The following SUMF1 variants were observed in gnomAD, a reference collection of about 807,000 sequenced individuals.
SUMF1 encodes the protein sulfatase modifying factor 1.
Under a neutral mutation model 47.6 loss-of-function variants are expected in SUMF1, and 48 were observed. The observed-to-expected ratio is 1.01, with a 90% CI of 0.80 to 1.28. The LOEUF is 1.28. Among genes scored for constraint, SUMF1 ranks in the 50% most tolerant of loss-of-function variants. SUMF1 has a pLI of 0.00. For missense variants in SUMF1, 571 were observed against 485.4 expected (o/e 1.18, Z -1.66); for synonymous variants, 230 against 192.1 (o/e 1.20, Z -1.63).
chr3:4,279,791 T>C (rs1697491019), intron 8 of SUMF1, among the ~76,000 whole-genome samples: 1 of 152,200 alleles, frequency 6.6e-6, no homozygotes, highest in East Asian at 1.9e-4. Flanking sequence ...CCTGGCTTTA[T>C]TTAGGGAACC....
chr3:4,162,282 G>A (rs1178416867), intron 8 of SUMF1, among the ~76,000 whole-genome samples: 1 of 152,146 alleles, frequency 6.6e-6, no homozygotes, highest in Non-Finnish European at 1.5e-5. Flanking sequence ...GGTTGGGGGA[G>A]GAGTGGTAAA....
chr3:4,058,049 T>C (rs1226135287), intron 9 of SUMF1, among the ~76,000 whole-genome samples: 2 of 152,156 alleles, frequency 1.3e-5, no homozygotes, highest in Non-Finnish European at 2.9e-5. Context: ...ACTTTGTATA[T>C]AGTAACTTAT....
At chr3:4,065,581 T>A (rs1695356681) in intron 9 of SUMF1, among the ~76,000 whole-genome samples, 1 of 152,134 alleles carries the variant, frequency 6.6e-6, no homozygotes, top group African/African-American at 2.4e-5. Flanking sequence ...ACATACATTA[T>A]CTCATTTATT....
chr3:4,223,921 CT>C (rs1696119366), intron 8 of SUMF1, among the ~76,000 whole-genome samples: 1 of 152,142 alleles, frequency 6.6e-6, no homozygotes, highest in African/African-American at 2.4e-5. Flanking sequence ...ATTTCTTCAT[CT>C]GTTAAATAAG....
At position 4,223,005 on chromosome 3, in the gene SUMF1, G is replaced by C. The variant is rs376982000; in HGVS notation, c.1014+153325C>G. On this transcript the variant is annotated intron_variant and NMD_transcript_variant, in intron 8 of 12. Coordinates refer to the SUMF1 transcript ENST00000448413. ...CTGCATAGGATGAGGGTGTGACAGT[G>C]TGGTAAAGGGGAAACTTCCACGTTT... is the stretch of plus-strand genomic sequence containing the variant. Among the ~76,000 whole-genome samples the C allele has an allele frequency of 1.2e-4, 19 of 152,222 alleles. No homozygotes were observed. In the South Asian group the frequency reaches 3.9e-3, roughly 32 times the overall value.
intron 8 of SUMF1, among the ~76,000 whole-genome samples, chr3:4,242,704 T>A (rs959109814): frequency 1.3e-5 from 2 of 152,208 alleles, no homozygotes; most frequent in African/African-American, 4.8e-5. Context: ...TTTGCATCGA[T>A]GTTCATCAGG....
At chr3:4,229,770 T>A (rs888080893) in intron 8 of SUMF1, among the ~76,000 whole-genome samples, 4 of 152,026 alleles carry the variant, frequency 2.6e-5, no homozygotes, top group African/African-American at 7.2e-5. Context: ...TCCCAGCACT[T>A]TGGGTAGCCA....
At chr3:4,100,388 C>T (rs572649207) in intron 8 of SUMF1, among the ~76,000 whole-genome samples, 5 of 152,072 alleles carry the variant, frequency 3.3e-5, no homozygotes, top group East Asian at 1.9e-4. Flanking sequence ...TAAACCCACA[C>T]GTCTACAGTC....
At chr3:4,059,999 G>A (rs77853267) in intron 9 of SUMF1, among the ~76,000 whole-genome samples, 2,647 of 152,266 alleles carry the variant, frequency 0.017, 73 homozygotes, top group African/African-American at 0.061. Flanking sequence ...AGGGGCTACG[G>A]ATGAGCTGAG....
At chr3:4,244,553 T>A (rs924834101) in intron 8 of SUMF1, among the ~76,000 whole-genome samples, 1 of 152,188 alleles carries the variant, frequency 6.6e-6, no homozygotes, top group Non-Finnish European at 1.5e-5. Flanking sequence ...GGGTTGAAAA[T>A]TCTTTTCTTT....
chr3:4,287,620 A>C (rs1459088696), intron 8 of SUMF1, among the ~76,000 whole-genome samples: 1 of 152,196 alleles, frequency 6.6e-6, no homozygotes, highest in East Asian at 1.9e-4. Flanking sequence ...ACGTGGCACA[A>C]TCTAATGTTG....
intron 1 of SUMF1, among the ~76,000 whole-genome samples, chr3:4,453,879 G>A (rs997425447): frequency 1.3e-5 from 2 of 151,916 alleles, no homozygotes; most frequent in Non-Finnish European, 2.9e-5. Context: ...ATGTTGCCAA[G>A]GTTGGTCTGC....
intron 8 of SUMF1, among the ~76,000 whole-genome samples, chr3:4,087,458 C>T (rs531053180): frequency 6.6e-6 from 1 of 152,278 alleles, no homozygotes; most frequent in South Asian, 2.1e-4. Flanking sequence ...CAGTAAAAGG[C>T]AGTCAGTCTA....
chr3:4,123,730 A>G (rs988699847), intron 8 of SUMF1, among the ~76,000 whole-genome samples: 4 of 152,192 alleles, frequency 2.6e-5, no homozygotes, highest in African/African-American at 9.7e-5. Flanking sequence ...CAATCATAGG[A>G]AAGTCATTTC....
intron 8 of SUMF1, chr3:4,229,395 A>G: frequency 2.6e-6 from 1 of 378,384 alleles, no homozygotes; most frequent in Non-Finnish European, 5.2e-6. Context: ...AAACCACAAG[A>G]GCATGTCTTA....
chr3:4,192,678 G>T (rs1319809308), intron 8 of SUMF1, among the ~76,000 whole-genome samples: 3 of 152,118 alleles, frequency 2.0e-5, no homozygotes, highest in Admixed American at 6.6e-5. Context: ...TGCTAATGAG[G>T]TAACTCAGGA....
intron 8 of SUMF1, among the ~76,000 whole-genome samples, chr3:4,123,271 A>G: frequency 6.6e-6 from 1 of 152,162 alleles, no homozygotes; most frequent in Non-Finnish European, 1.5e-5. Flanking sequence ...TGTGGGAGTG[A>G]TACCACAGCA....
intron 8 of SUMF1, among the ~76,000 whole-genome samples, chr3:4,134,467 C>T (rs1693871739): frequency 6.6e-6 from 1 of 152,096 alleles, no homozygotes; most frequent in South Asian, 2.1e-4. Flanking sequence ...ACATTCAAAG[C>T]AGTGTGTAGA....
chr3:4,376,195 C>CT, intron 8 of SUMF1, 135 bp downstream of exon 8: 2 of 1,091,396 alleles, frequency 1.8e-6, no homozygotes, highest in Non-Finnish European at 2.8e-6. Context: ...GACTGTCCTC[C>CT]TTTTTTTCTG....
Sources: allele counts gnomAD v4.1 joint callset (sites outside exome capture counted in the v4.1 genomes callset), GRCh38; gene constraint gnomAD v4.1.1; transcripts MANE v1.5; gene names NCBI Gene and HGNC (gene_info 2026-07-23, HGNC 2026-07-21).